Variants in STPG2 observed in about 807,000 individuals in gnomAD.
STPG2 encodes the protein sperm tail PG-rich repeat containing 2.
STPG2 carries 56 observed loss-of-function variants against 54.2 expected under a neutral mutation model. The ratio of observed to expected loss-of-function variants is 1.03; its 90% CI spans 0.83 to 1.29. The LOEUF is 1.29. Ranked by LOEUF, STPG2 falls within the 50% of genes most tolerant of loss-of-function variation. The probability of loss-of-function intolerance (pLI) is 0.00; values close to 1 mark genes in which losing one functional copy is unlikely to be tolerated. For missense variants in STPG2, 596 were observed against 544.9 expected, an observed-to-expected ratio of 1.09 and a Z score of -0.93; for synonymous variants, 200 against 181.8, an observed-to-expected ratio of 1.10 and a Z score of -0.81.
chr4:97,775,836 A>C (rs2149066181), intron 9 of STPG2, among the ~76,000 whole-genome samples: 1 of 152,284 alleles, frequency 6.6e-6, no homozygotes, highest in East Asian at 1.9e-4. Flanking sequence ...GTCTTGGCTC[A>C]TTGCAACCTC....
chr4:97,834,568 C>A (rs1318989481), intron 9 of STPG2, among the ~76,000 whole-genome samples: 1 of 151,884 alleles, frequency 6.6e-6, no homozygotes, highest in African/African-American at 2.4e-5. Flanking sequence ...TATAATAAAG[C>A]AAATTGGTCG....
At chr4:97,950,079 C>A (rs1025981880) in intron 7 of STPG2, among the ~76,000 whole-genome samples, 2 of 151,906 alleles carry the variant, frequency 1.3e-5, no homozygotes, top group African/African-American at 4.8e-5. Flanking sequence ...TCCAGAAGTT[C>A]TGATTTGTTT....
chr4:97,500,403 T>TA (rs1730698303), intron 4 of STPG2, among the ~76,000 whole-genome samples: 1 of 152,068 alleles, frequency 6.6e-6, no homozygotes, highest in Non-Finnish European at 1.5e-5. Context: ...TGGCTCTGGA[T>TA]ATGTAAATTT....
intron 9 of STPG2, among the ~76,000 whole-genome samples, chr4:97,801,462 C>A (rs920486680): frequency 3.9e-5 from 6 of 152,140 alleles, no homozygotes; most frequent in African/African-American, 1.2e-4. Context: ...AAAACAAAAA[C>A]CTTTCTGTTT....
intron 8 of STPG2, among the ~76,000 whole-genome samples, chr4:97,906,018 G>A (rs1162142922): frequency 6.6e-6 from 1 of 152,080 alleles, no homozygotes; most frequent in Non-Finnish European, 1.5e-5. Flanking sequence ...ACTAAGATCA[G>A]AGCAGAACTG....
At chr4:97,489,882 A>G (rs1730460669) in intron 4 of STPG2, 1 of 151,390 alleles carries the variant, frequency 6.6e-6, no homozygotes, top group South Asian at 2.1e-4. Context: ...GCTACAATTA[A>G]GGAGACAAAA....
At chr4:97,555,643 G>C (rs1404867585), downstream of STPG2, among the ~76,000 whole-genome samples, 2 of 152,000 alleles carry the variant, frequency 1.3e-5, no homozygotes, top group East Asian at 3.9e-4. Flanking sequence ...TAAGAGTAAG[G>C]GGACATAATA....
chr4:97,513,915 T>C (rs17026741), intron 4 of STPG2, among the ~76,000 whole-genome samples: 3,424 of 152,004 alleles, frequency 0.023, 136 homozygotes, highest in Admixed American at 0.1. Flanking sequence ...CAAAAAAGAA[T>C]TGAGGAAATT....
At chr4:97,635,363 C>T (rs569616944) in intron 10 of STPG2, among the ~76,000 whole-genome samples, 16 of 152,322 alleles carry the variant, frequency 1.1e-4, no homozygotes, top group African/African-American at 3.4e-4. Flanking sequence ...AAAGGAACAA[C>T]TGGTACTAGC....
At chr4:97,698,537 C>A (rs1560724977) in intron 10 of STPG2, among the ~76,000 whole-genome samples, 1 of 152,094 alleles carries the variant, frequency 6.6e-6, no homozygotes, top group African/African-American at 2.4e-5. Context: ...GGAACTAAGA[C>A]CTCTAGGCTA....
chr4:98,042,243 GTGGTTTA>G (rs1309460197), intron 5 of STPG2, among the ~76,000 whole-genome samples: 1 of 151,384 alleles, frequency 6.6e-6, no homozygotes, highest in African/African-American at 2.4e-5. Flanking sequence ...AGTCTAGTGA[GTGGTTTA>G]TCAATTTTGT....
chr4:97,946,596 C>A (rs1358091617), intron 7 of STPG2, among the ~76,000 whole-genome samples: 1 of 152,088 alleles, frequency 6.6e-6, no homozygotes, highest in African/African-American at 2.4e-5. Context: ...GATTCAGTTT[C>A]ATTCTTCTAA....
chr4:97,671,133 C>A (rs1050842617), intron 10 of STPG2, among the ~76,000 whole-genome samples: 5 of 152,054 alleles, frequency 3.3e-5, no homozygotes, highest in African/African-American at 4.8e-5. Context: ...GATACAATAC[C>A]CCAACCTCTT....
intron 10 of STPG2, among the ~76,000 whole-genome samples, chr4:97,606,214 T>C (rs191677242): frequency 6.6e-6 from 1 of 152,012 alleles, no homozygotes; most frequent in East Asian, 1.9e-4. Context: ...TTCTTAAGCA[T>C]AGCAATGCTC....
intron 2 of STPG2, among the ~76,000 whole-genome samples, chr4:98,133,364 C>T (rs1386991497): frequency 6.6e-6 from 1 of 151,968 alleles, no homozygotes; most frequent in Non-Finnish European, 1.5e-5. Context: ...ACAAATAGCC[C>T]TTTTCACATG....
chr4:97,503,059 C>T (rs1730761337), intron 4 of STPG2, among the ~76,000 whole-genome samples: 1 of 151,368 alleles, frequency 6.6e-6, no homozygotes, highest in Admixed American at 6.6e-5. Flanking sequence ...ATTTGGTTAC[C>T]CAAGGGATAG....
At chr4:97,618,995 A>G (rs568269759) in intron 10 of STPG2, among the ~76,000 whole-genome samples, 1 of 152,310 alleles carries the variant, frequency 6.6e-6, no homozygotes, top group South Asian at 2.1e-4. Context: ...CAAAAGTGAC[A>G]TATAATTTGG....
intron 4 of STPG2, among the ~76,000 whole-genome samples, chr4:97,454,804 TATA>T (rs1466741267): frequency 6.6e-6 from 1 of 152,122 alleles, no homozygotes; most frequent in Non-Finnish European, 1.5e-5. Context: ...TGTTGTTTTA[TATA>T]ATAAGAAAGC....
chr4:97,590,424 T>C (rs1466960621), intron 10 of STPG2, among the ~76,000 whole-genome samples: 1 of 151,952 alleles, frequency 6.6e-6, no homozygotes, highest in Non-Finnish European at 1.5e-5. Flanking sequence ...AAAGGGTAAA[T>C]TAGAAGGTAT....
Sources: allele counts gnomAD v4.1 joint callset (sites outside exome capture counted in the v4.1 genomes callset), GRCh38; gene constraint gnomAD v4.1.1; transcripts MANE v1.5; gene names NCBI Gene and HGNC (gene_info 2026-07-23, HGNC 2026-07-21).